Variants in VEPH1 observed in about 807,000 individuals in gnomAD.
The protein encoded by VEPH1 is ventricular zone expressed PH domain containing 1, also known as ventricular zone-expressed PH domain-containing protein homolog 1.
VEPH1 carries 80 observed loss-of-function variants against 85.2 expected under a neutral mutation model. The ratio of observed to expected loss-of-function variants is 0.94; its 90% confidence interval spans 0.78 to 1.13. VEPH1 has a LOEUF of 1.13. Ranked by LOEUF, VEPH1 falls within the 50% of genes most tolerant of loss-of-function variation. The pLI, the probability that VEPH1 is intolerant of heterozygous loss-of-function variation, is 0.00. For synonymous variants in VEPH1, 297 were observed against 348.0 expected, an observed-to-expected ratio of 0.85 and a Z score of 1.63; for missense variants, 955 against 980.5, an observed-to-expected ratio of 0.97 and a Z score of 0.35.
intron 9 of VEPH1, among the ~76,000 whole-genome samples, chr3:157,346,770 C>A (rs1367028901): frequency 6.6e-6 from 1 of 152,030 alleles, no homozygotes; most frequent in African/African-American, 2.4e-5. Flanking sequence ...CCATGACTAG[C>A]TGGATTTTTT....
intron 6 of VEPH1, among the ~76,000 whole-genome samples, chr3:157,394,632 C>A (rs977780334): frequency 6.6e-6 from 1 of 152,186 alleles, no homozygotes. Flanking sequence ...TGGCAGAAGG[C>A]AAAGCAGGAG....
At chr3:157,292,497 G>A (rs1375800495) in intron 11 of VEPH1, among the ~76,000 whole-genome samples, 1 of 151,868 alleles carries the variant, frequency 6.6e-6, no homozygotes, top group Non-Finnish European at 1.5e-5. Context: ...TTGGAGACCA[G>A]CCTGGCCAGC....
At chr3:157,457,831 A>G (rs1735510216) in intron 4 of VEPH1, among the ~76,000 whole-genome samples, 1 of 151,888 alleles carries the variant, frequency 6.6e-6, no homozygotes, top group South Asian at 2.1e-4. Context: ...TTTTCTTTTT[A>G]TGTTGTGTCT....
intron 3 of VEPH1, among the ~76,000 whole-genome samples, chr3:157,464,926 A>G (rs979077854): frequency 3.3e-5 from 5 of 152,350 alleles, no homozygotes; most frequent in Admixed American, 1.3e-4. Flanking sequence ...AGCTAAACCA[A>G]TTTTGGATTT....
chr3:157,370,544 C>T (rs1157480464), intron 7 of VEPH1, among the ~76,000 whole-genome samples: 2 of 152,190 alleles, frequency 1.3e-5, no homozygotes, highest in Non-Finnish European at 2.9e-5. Flanking sequence ...CTTCACAGTG[C>T]TAGCATCTGT....
chr3:157,369,197 A>AAAAAAC (rs1553773136), intron 7 of VEPH1, among the ~76,000 whole-genome samples: 7 of 147,596 alleles, frequency 4.7e-5, no homozygotes, highest in African/African-American at 1.7e-4. Context: ...AAAAAAAAAA[A>AAAAAAC]AAAAAAACCT....
At chr3:157,299,022 T>TTCAAATGAAA (rs1190650669) in intron 11 of VEPH1, among the ~76,000 whole-genome samples, 1 of 152,184 alleles carries the variant, frequency 6.6e-6, no homozygotes, top group Non-Finnish European at 1.5e-5. Context: ...GAAATAGTGT[T>TTCAAATGAAA]AAGTGTGCAT....
intron 4 of VEPH1, among the ~76,000 whole-genome samples, chr3:157,452,251 A>G (rs1006518923): frequency 1.3e-5 from 2 of 152,178 alleles, no homozygotes; most frequent in African/African-American, 2.4e-5. Flanking sequence ...GAAACAAGTC[A>G]TCATCTGCTG....
intron 7 of VEPH1, among the ~76,000 whole-genome samples, chr3:157,365,341 T>G (rs1726520203): frequency 6.6e-6 from 1 of 152,226 alleles, no homozygotes; most frequent in Admixed American, 6.5e-5. Context: ...CTATCCATTT[T>G]TATAACGTAT....
rs1712691109 is a variant in VEPH1 at position 157,260,085 on chromosome 3, C to T, written c.*1049G>A. On this transcript the variant is annotated 3_prime_UTR_variant, in exon 14 of 14. Coordinates refer to ENST00000362010, the MANE Select transcript of VEPH1 (RefSeq NM_001167912.2). ...AACTCAAAGTCAGCTGATTAGAAAC[C>T]TTATGTATATCTGCAACTTCTCTTC... 1 of 152,108 alleles carries T rather than the reference C, an allele frequency of 6.6e-6. No homozygotes were observed. The highest frequency in any genetic ancestry group is 6.6e-5 in the Admixed American group (1 of 15,250). 9.4% of individuals were successfully genotyped at this position (152,108 alleles called of 1,614,324 possible).
At chr3:157,455,482 T>G (rs1735301934) in intron 4 of VEPH1, among the ~76,000 whole-genome samples, 1 of 151,894 alleles carries the variant, frequency 6.6e-6, no homozygotes, top group Admixed American at 6.6e-5. Context: ...ATAGGTAAAC[T>G]TGTGTCATGG....
At chr3:157,445,247 G>T (rs1030536705) in intron 4 of VEPH1, among the ~76,000 whole-genome samples, 5 of 152,148 alleles carry the variant, frequency 3.3e-5, no homozygotes, top group Non-Finnish European at 5.9e-5. Flanking sequence ...TTACGTGAGA[G>T]AAAAATATAC....
At chr3:157,283,060 TAA>T (rs1409956209) in intron 12 of VEPH1, among the ~76,000 whole-genome samples, 2 of 152,248 alleles carry the variant, frequency 1.3e-5, no homozygotes, top group Non-Finnish European at 2.9e-5. Context: ...ATTATCATAA[TAA>T]AGTCTCTGTT....
intron 5 of VEPH1, among the ~76,000 whole-genome samples, chr3:157,416,380 T>A (rs1247528834): frequency 6.6e-6 from 1 of 152,136 alleles, no homozygotes; most frequent in East Asian, 1.9e-4. Context: ...AGGGCTAGAT[T>A]CTGGTAAATG....
At chr3:157,281,750 A>G (rs1577229317) in intron 12 of VEPH1, among the ~76,000 whole-genome samples, 1 of 152,042 alleles carries the variant, frequency 6.6e-6, no homozygotes, top group South Asian at 2.1e-4. Context: ...GTTGGCCAGG[A>G]TGGTCTCGAT....
intron 6 of VEPH1, among the ~76,000 whole-genome samples, chr3:157,411,236 G>A (rs1436699232): frequency 2.0e-5 from 3 of 152,130 alleles, no homozygotes; most frequent in Non-Finnish European, 4.4e-5. Flanking sequence ...TGGCACTCTA[G>A]AGAGATTGCC....
At chr3:157,408,727 T>C (rs574405998) in intron 6 of VEPH1, among the ~76,000 whole-genome samples, 216 of 152,252 alleles carry the variant, frequency 1.4e-3, no homozygotes, top group African/African-American at 5.0e-3. Flanking sequence ...AGGCAACATT[T>C]GAGCTGGGTC....
At chr3:157,401,322 A>G (rs551483558) in intron 6 of VEPH1, among the ~76,000 whole-genome samples, 2 of 152,298 alleles carry the variant, frequency 1.3e-5, no homozygotes, top group East Asian at 1.9e-4. Flanking sequence ...TTAGCTCATT[A>G]GAAAAAGGAA....
chr3:157,439,619 C>T (rs1004545508), intron 4 of VEPH1, among the ~76,000 whole-genome samples: 4 of 152,168 alleles, frequency 2.6e-5, no homozygotes, highest in African/African-American at 7.2e-5. Context: ...ATATAGCCAG[C>T]GTAGCCTAGA....
Sources: allele counts gnomAD v4.1 joint callset (sites outside exome capture counted in the v4.1 genomes callset), GRCh38; gene constraint gnomAD v4.1.1; transcripts MANE v1.5; gene names NCBI Gene and HGNC (gene_info 2026-07-23, HGNC 2026-07-21).